The following LRFN5 variants were observed in gnomAD, a reference collection of about 807,000 sequenced individuals.
LRFN5 encodes leucine rich repeat and fibronectin type III domain containing 5.
A neutral mutation model predicts 45.6 loss-of-function variants in LRFN5; 24 were observed. The observed-to-expected ratio is 0.53, with a 90% CI of 0.38 to 0.74. The LOEUF (loss-of-function observed/expected upper bound fraction) is 0.74. LRFN5 is among the 30% of genes least tolerant of loss of function. LRFN5 has a pLI of 0.00. For synonymous variants in LRFN5, 340 were observed against 313.8 expected, an observed-to-expected ratio of 1.08 and a Z score of -0.88; for missense variants, 776 against 861.5, an observed-to-expected ratio of 0.90 and a Z score of 1.24.
chr14:41,735,206 A>G (rs1384320226), intron 1 of LRFN5, among the ~76,000 whole-genome samples: 1 of 152,176 alleles, frequency 6.6e-6, no homozygotes, highest in African/African-American at 2.4e-5. Flanking sequence ...TCTTATACAA[A>G]TAAATTCCTT....
At chr14:41,643,110 TC>T (rs1383799982) in intron 1 of LRFN5, among the ~76,000 whole-genome samples, 3 of 152,126 alleles carry the variant, frequency 2.0e-5, no homozygotes, top group Non-Finnish European at 4.4e-5. Context: ...TTTAGAAAAA[TC>T]ATATATTTTT....
intron 1 of LRFN5, among the ~76,000 whole-genome samples, chr14:41,726,824 A>G (rs920443863): frequency 1.4e-4 from 21 of 152,206 alleles, no homozygotes; most frequent in African/African-American, 4.8e-4. Context: ...GATATTTAGT[A>G]AAAACACTAA....
At chr14:41,823,343 C>T (rs577242031) in intron 2 of LRFN5, among the ~76,000 whole-genome samples, 4 of 151,676 alleles carry the variant, frequency 2.6e-5, no homozygotes, top group Admixed American at 6.6e-5. Flanking sequence ...TGATGAATTC[C>T]CTTAGCATTC....
chr14:41,714,394 C>T (rs911838634), intron 1 of LRFN5, among the ~76,000 whole-genome samples: 7 of 152,100 alleles, frequency 4.6e-5, no homozygotes, highest in Non-Finnish European at 8.8e-5. Flanking sequence ...TAATACTTGA[C>T]ATATAATTAT....
chr14:41,887,065 T>C lies in LRFN5; in HGVS notation c.440T>C (p.Phe147Ser). 6.2e-7 allele frequency: 1 copy of C among 1,614,114 alleles called. No individual in the cohort carries two copies. Among genetic ancestry groups the C allele is most frequent in the Non-Finnish European group, 8.5e-7 (1 of 1,180,050 alleles). Reference sequence around the variant, plus strand: ...TCCTCTACAGCGTTTGATGATGTCTTCGCCCTTGAGGAGCTGGATCTGTCC... The same window carrying C: ...TCCTCTACAGCGTTTGATGATGTCTCCGCCCTTGAGGAGCTGGATCTGTCC... ...LISSTAFDDV[F>S]ALEELDLSYN... Residue 147 changes from phenylalanine to serine, a missense_variant, in exon 3 of 6, where the codon TTC becomes TCC. This residue lies in a region of LRFN5 where 311 missense variants were observed against 405.1 expected (regional missense o/e 0.77). Transcript: ENST00000298119. The surrounding 1 kb of genome is among the most constrained non-coding windows in gnomAD (Gnocchi z 4.8).
At chr14:41,889,643 T>C (rs183938140) in intron 3 of LRFN5, among the ~76,000 whole-genome samples, 157 of 152,268 alleles carry the variant, frequency 1.0e-3, no homozygotes, top group African/African-American at 3.7e-3. Flanking sequence ...CTTGAGGAAA[T>C]TTCTGGAATC....
intron 1 of LRFN5, among the ~76,000 whole-genome samples, chr14:41,622,279 T>C (rs1888163775): frequency 6.6e-6 from 1 of 152,098 alleles, no homozygotes; most frequent in African/African-American, 2.4e-5. Context: ...TCTTAGCAAA[T>C]TTTGTTATTT....
At chr14:41,625,721 A>G (rs930808506) in intron 1 of LRFN5, among the ~76,000 whole-genome samples, 3 of 152,184 alleles carry the variant, frequency 2.0e-5, no homozygotes, top group Admixed American at 6.6e-5. Flanking sequence ...TTGACCTATA[A>G]TAATCTATTA....
intron 1 of LRFN5, among the ~76,000 whole-genome samples, chr14:41,712,654 A>T (rs1299170800): frequency 1.3e-5 from 2 of 152,180 alleles, no homozygotes; most frequent in Admixed American, 6.5e-5. Flanking sequence ...ATTTTTATAT[A>T]ACCTAAGCAA....
intron 1 of LRFN5, among the ~76,000 whole-genome samples, chr14:41,668,920 T>C (rs1362927191): frequency 6.6e-6 from 1 of 152,058 alleles, no homozygotes; most frequent in Non-Finnish European, 1.5e-5. Context: ...TATATATAAA[T>C]ATAAATGTGC....
intron 2 of LRFN5, among the ~76,000 whole-genome samples, chr14:41,775,776 A>G (rs1435327676): frequency 6.6e-6 from 1 of 152,230 alleles, no homozygotes; most frequent in Non-Finnish European, 1.5e-5. Context: ...AAAAGGAGGA[A>G]TATTCACAAA....
rs912424239 is a variant in LRFN5, at chr14:41,817,170, T to C, written c.-21+50141T>C. Among the ~76,000 whole-genome samples, 3 of 152,110 alleles carry C rather than the reference T, an allele frequency of 2.0e-5. No homozygotes were observed. The East Asian group carries it at 5.8e-4, about 29-fold the overall frequency. On this transcript the variant is annotated intron_variant, in intron 2 of 5. Transcript: ENST00000298119. ...TTTTTATATCTCTGCTTACATTGTC[T>C]CTGTTCTTGCATGTTGCCTGTCCAT...
At chr14:41,630,908 T>C (rs1051474060) in intron 1 of LRFN5, among the ~76,000 whole-genome samples, 2 of 152,170 alleles carry the variant, frequency 1.3e-5, no homozygotes, top group African/African-American at 4.8e-5. Context: ...TTAACAATTA[T>C]AATCTGGAGA....
chr14:41,722,386 C>T lies in LRFN5; in HGVS notation c.-196-44468C>T, dbSNP rs541623436. ...CTGAGTTTCCATTTTGGTTAGTGAC[C>T]GTTACCGGAGAGCTAGTGTGATCCA... On this transcript the variant is annotated intron_variant, in intron 1 of 5. Coordinates refer to ENST00000298119, the MANE Select transcript of LRFN5 (RefSeq NM_152447.5). Among the ~76,000 whole-genome samples, 7 of 152,104 alleles carry T rather than the reference C, an allele frequency of 4.6e-5. 1 individual carries two copies. The highest frequency in any genetic ancestry group is 4.1e-4 in the South Asian group (2 of 4,820).
chr14:41,859,796 A>AGGT, intron 2 of LRFN5, among the ~76,000 whole-genome samples: 1 of 152,194 alleles, frequency 6.6e-6, no homozygotes, highest in Non-Finnish European at 1.5e-5. Context: ...TACCTTTTTA[A>AGGT]AAATTAATGT....
At chr14:41,784,686 T>C (rs1889299475) in intron 2 of LRFN5, among the ~76,000 whole-genome samples, 2 of 152,036 alleles carry the variant, frequency 1.3e-5, no homozygotes, top group Admixed American at 6.6e-5. Flanking sequence ...TGGAGTGCAA[T>C]GGTGCAATCT....
intron 1 of LRFN5, among the ~76,000 whole-genome samples, chr14:41,765,872 T>A (rs574334274): frequency 3.3e-5 from 5 of 152,306 alleles, no homozygotes; most frequent in African/African-American, 1.2e-4. Flanking sequence ...TTAATTTTCC[T>A]TTTTAAATAA....
At chr14:41,618,534 A>G (rs1887998797) in intron 1 of LRFN5, among the ~76,000 whole-genome samples, 1 of 152,238 alleles carries the variant, frequency 6.6e-6, no homozygotes, top group South Asian at 2.1e-4. Context: ...ACCTGAGACC[A>G]TTCACACATA....
chr14:41,772,773 T>C (rs1219879953), intron 2 of LRFN5, among the ~76,000 whole-genome samples: 1 of 152,200 alleles, frequency 6.6e-6, no homozygotes, highest in East Asian at 1.9e-4. Context: ...GCTCACCATA[T>C]ACCAGTAAAA....
Sources: gnomAD v4.1 joint callset for allele counts (sites outside exome capture counted in the v4.1 genomes callset) on GRCh38, gnomAD v4.1.1 for gene constraint, gnomAD v4.1.1 regional missense constraint, Gnocchi (gnomAD v3.1) non-coding constraint, MANE v1.5 for transcripts, NCBI Gene and HGNC (gene_info 2026-07-23, HGNC 2026-07-21) for gene names.